GSE1: variants seen among roughly 807,000 people sequenced by gnomAD.
GSE1 encodes the protein Gse1 coiled-coil protein.
GSE1 carries 32 observed loss-of-function variants against 112.6 expected under a neutral mutation model. The observed-to-expected ratio is 0.28, with a 90% CI of 0.21 to 0.38. The LOEUF (loss-of-function observed/expected upper bound fraction) is 0.38. Among genes scored for constraint, GSE1 ranks in the 10% least tolerant of loss-of-function variants. GSE1 has a pLI of 1.00. For missense variants in GSE1, 2,348 were observed against 1,699.2 expected, an observed-to-expected ratio of 1.38 and a Z score of -6.71; for synonymous variants, 1,115 against 735.6, an observed-to-expected ratio of 1.52 and a Z score of -8.35.
intron 2 of GSE1, among the ~76,000 whole-genome samples, chr16:85,453,207 G>T (rs986203353): frequency 6.6e-6 from 1 of 152,152 alleles, no homozygotes; most frequent in Admixed American, 6.5e-5. Context: ...ACGGCTGATG[G>T]GGGTGTGAAG....
intron 1 of GSE1, among the ~76,000 whole-genome samples, chr16:85,345,192 G>A (rs907600444): frequency 1.5e-4 from 22 of 151,410 alleles, no homozygotes; most frequent in African/African-American, 5.3e-4. Context: ...AGGCTTTCAC[G>A]TTTTTAAATG....
At chr16:85,390,367 G>C (rs1262809311) in intron 2 of GSE1, among the ~76,000 whole-genome samples, 1 of 152,102 alleles carries the variant, frequency 6.6e-6, no homozygotes, top group Non-Finnish European at 1.5e-5. Context: ...AACAAGATCA[G>C]GGTCAGATTC....
chr16:85,250,170 C>T (rs1906308963), intron 1 of GSE1, among the ~76,000 whole-genome samples: 1 of 152,244 alleles, frequency 6.6e-6, no homozygotes, highest in Admixed American at 6.5e-5. Context: ...CTGTGTCCCT[C>T]GAAGAGACCC....
chr16:85,596,397 G>A (rs372388584), intron 1 of GSE1, among the ~76,000 whole-genome samples: 44 of 152,258 alleles, frequency 2.9e-4, no homozygotes, highest in African/African-American at 8.9e-4. Flanking sequence ...GACAGCAGCC[G>A]GGCACCTGGC....
rs891398853 is a variant in GSE1 at position 85,324,803 on chromosome 16, G to A, written c.2284-32660G>A. On this transcript the variant is annotated intron_variant, in intron 1 of 2. Transcript: ENST00000637419. Reference sequence around the variant, plus strand: ...GGCAGGGCCTGGGGAAGGCGATTCCGTCGGGGAAAGGGGGATAAATCTGAA... The same window carrying A: ...GGCAGGGCCTGGGGAAGGCGATTCCATCGGGGAAAGGGGGATAAATCTGAA... Among the ~76,000 whole-genome samples the A allele has an allele frequency of 2.6e-5, 4 of 152,098 alleles. 1 individual carries two copies. The highest frequency in any genetic ancestry group is 1.9e-4 in the East Asian group (1 of 5,174).
At chr16:85,245,422 A>G (rs1905539161) in intron 1 of GSE1, among the ~76,000 whole-genome samples, 1 of 152,140 alleles carries the variant, frequency 6.6e-6, no homozygotes, top group African/African-American at 2.4e-5. Flanking sequence ...CACCTGGTCC[A>G]GGGGCAGAGC....
intron 2 of GSE1, among the ~76,000 whole-genome samples, chr16:85,382,369 G>A (rs1392509882): frequency 6.6e-6 from 1 of 152,236 alleles, no homozygotes; most frequent in Admixed American, 6.5e-5. Flanking sequence ...TCCCACACAA[G>A]GCTAATCAGG....
At chr16:85,585,254 T>C (rs573794632) in intron 1 of GSE1, among the ~76,000 whole-genome samples, 1 of 152,120 alleles carries the variant, frequency 6.6e-6, no homozygotes, top group African/African-American at 2.4e-5. Flanking sequence ...CGTCCTGGGG[T>C]CCAGAGGCTT....
chr16:85,179,309 C>A (rs1253122620), intron 1 of GSE1, among the ~76,000 whole-genome samples: 1 of 152,194 alleles, frequency 6.6e-6, no homozygotes, highest in Non-Finnish European at 1.5e-5. Flanking sequence ...TTTCAGGGTT[C>A]ATCCATGCTG....
chr16:85,327,796 A>T (rs1361386181), intron 1 of GSE1, among the ~76,000 whole-genome samples: 1 of 152,168 alleles, frequency 6.6e-6, no homozygotes, highest in African/African-American at 2.4e-5. Context: ...CATTTTACGG[A>T]TCAGCAAAAC....
chr16:85,500,437 C>G (rs1334638381), intron 2 of GSE1, among the ~76,000 whole-genome samples: 1 of 152,224 alleles, frequency 6.6e-6, no homozygotes, highest in Non-Finnish European at 1.5e-5. Context: ...AAAAGCAGCT[C>G]CCCACTGACA....
chr16:85,638,721 A>C (rs1316578145), intron 2 of GSE1, among the ~76,000 whole-genome samples: 12 of 80,150 alleles, frequency 1.5e-4, no homozygotes, highest in Admixed American at 5.2e-4. Context: ...TGCCACCCCC[A>C]CCTCCTACGT....
intron 2 of GSE1, among the ~76,000 whole-genome samples, chr16:85,470,674 T>C (rs1476107300): frequency 6.6e-6 from 1 of 152,180 alleles, no homozygotes; most frequent in East Asian, 1.9e-4. Context: ...GTGGGTCTCC[T>C]CCACAGGGGT....
chr16:85,414,476 A>T (rs1443231732), intron 2 of GSE1, among the ~76,000 whole-genome samples: 3 of 152,182 alleles, frequency 2.0e-5, no homozygotes, highest in Non-Finnish European at 4.4e-5. Flanking sequence ...ATGGAAAAAG[A>T]CTACTGCCCT....
chr16:85,624,132 CG>C (rs1164767567), intron 1 of GSE1, among the ~76,000 whole-genome samples: 1 of 152,196 alleles, frequency 6.6e-6, no homozygotes, highest in Non-Finnish European at 1.5e-5. Flanking sequence ...CCATGCCCCC[CG>C]GCCGCCACCC....
intron 1 of GSE1, among the ~76,000 whole-genome samples, chr16:85,189,913 G>A (rs564668519): frequency 1.1e-4 from 17 of 152,238 alleles, no homozygotes; most frequent in African/African-American, 4.1e-4. Flanking sequence ...AACCAGTATA[G>A]GAATTTTATT....
chr16:85,655,005 C>T lies in GSE1; in HGVS notation c.797+14C>T. 1.3e-6 allele frequency: 2 copies of T among 1,508,144 alleles called. No homozygotes were observed. The highest frequency in any genetic ancestry group is 2.3e-5 in the East Asian group (1 of 43,654). 93.4% of individuals were successfully genotyped at this position (1,508,144 alleles called of 1,614,324 possible). On this transcript the variant is annotated intron_variant, in intron 5 of 15. Coordinates refer to ENST00000253458, the MANE Select transcript of GSE1 (RefSeq NM_014615.5). ...CCCGGCCTTCAGGTGAGGCATCCCC[C>T]ACGCGCCCTCTCGTCTAGGTGCTGG... is the stretch of plus-strand genomic sequence containing the variant.
chr16:85,339,666 G>A (rs1294914534), intron 1 of GSE1, among the ~76,000 whole-genome samples: 2 of 151,120 alleles, frequency 1.3e-5, no homozygotes, highest in Non-Finnish European at 2.9e-5. Flanking sequence ...GGGTGGGGGC[G>A]GTTCTTTTTA....
At chr16:85,524,268 C>T (rs2052290272) in intron 2 of GSE1, among the ~76,000 whole-genome samples, 1 of 152,104 alleles carries the variant, frequency 6.6e-6, no homozygotes, top group Non-Finnish European at 1.5e-5. Flanking sequence ...ATGGTAAGAG[C>T]TCTGGACTTG....
Sources: allele counts gnomAD v4.1 joint callset (sites outside exome capture counted in the v4.1 genomes callset), GRCh38; gene constraint gnomAD v4.1.1; transcripts MANE v1.5; gene names NCBI Gene and HGNC (gene_info 2026-07-23, HGNC 2026-07-21).